Variants in ZZZ3 observed in about 807,000 individuals in gnomAD.
ZZZ3 encodes ZZ-type zinc finger-containing protein 3.
Under a neutral mutation model 95.2 loss-of-function variants are expected in ZZZ3, and 22 were observed. That is an observed-to-expected ratio of 0.23 (90% confidence interval 0.17 to 0.33). ZZZ3 has a LOEUF of 0.33. Among genes scored for constraint, ZZZ3 ranks in the 10% least tolerant of loss-of-function variants. ZZZ3 has a pLI of 1.00. For synonymous variants in ZZZ3, 335 were observed against 358.9 expected (o/e 0.93, Z 0.75); for missense variants, 885 against 1,066.5 (o/e 0.83, Z 2.37).
At chr1:77,624,288 C>T (rs1372865361) in intron 5 of ZZZ3, among the ~76,000 whole-genome samples, 1 of 152,054 alleles carries the variant, frequency 6.6e-6, no homozygotes, top group Non-Finnish European at 1.5e-5. Flanking sequence ...CTTAGAATTT[C>T]CTGGATGATA....
At chr1:77,603,286 C>G (rs1664918868) in intron 5 of ZZZ3, among the ~76,000 whole-genome samples, 1 of 152,114 alleles carries the variant, frequency 6.6e-6, no homozygotes. Flanking sequence ...ACCATGTTGC[C>G]CAGACTGGTC....
chr1:77,577,441 G>A (rs1263417698), intron 11 of ZZZ3, among the ~76,000 whole-genome samples: 6 of 152,138 alleles, frequency 3.9e-5, no homozygotes, highest in African/African-American at 1.4e-4. Context: ...ATCTACACAG[G>A]TTGTGCTATA....
intron 5 of ZZZ3, among the ~76,000 whole-genome samples, chr1:77,623,585 A>G (rs1316244643): frequency 1.3e-5 from 2 of 152,240 alleles, no homozygotes; most frequent in Non-Finnish European, 2.9e-5. Flanking sequence ...AACAAAGGTA[A>G]GCATAAGCCT....
chr1:77,659,607 C>T (rs1440203831), intron 1 of ZZZ3, among the ~76,000 whole-genome samples: 1 of 148,614 alleles, frequency 6.7e-6, no homozygotes, highest in Non-Finnish European at 1.5e-5. Context: ...CACTTGAATC[C>T]GGGAGGTGGA....
At position 77,582,114 on chromosome 1, in the gene ZZZ3, G is replaced by C; in HGVS notation, c.1657C>G (p.Leu553Val). The C allele has an allele frequency of 6.2e-7, 1 of 1,604,734 alleles. No individual in the cohort carries two copies. The highest frequency in any genetic ancestry group is 8.5e-7 in the Non-Finnish European group (1 of 1,176,814). ...EKLQKKADIG[L>V]PYPQRVVQLP... ...TGAACAACTCTCTGTGGATATGGAAGCCCAATATCAGCCTGGAGGCAGGGG... is the reference window on the plus strand; with the variant it reads ...TGAACAACTCTCTGTGGATATGGAACCCCAATATCAGCCTGGAGGCAGGGG... Residue 553 changes from leucine (L) to valine (V), a missense_variant, in exon 7 of 15, where the codon CTT becomes GTT. By Grantham distance (32) the Leu-to-Val change is conservative (BLOSUM62 1). This residue lies in a region of ZZZ3 where 556 missense variants were observed against 652.9 expected (regional missense o/e 0.85). Transcript: ENST00000370801.
Position 77,632,197 on chromosome 1 carries a change from G to A in ZZZ3, c.1158C>T (p.Ala386=). The part of the protein sequence containing the change: ...YTLRTSPRRA[A]PTRGSPTKNS... Reference sequence around the variant, plus strand: ...TTTTAGTGGGACTACCTCTGGTAGGGGCTGCCCTTCGTGGTGAGGTTCTCA... The same window carrying A: ...TTTTAGTGGGACTACCTCTGGTAGGAGCTGCCCTTCGTGGTGAGGTTCTCA... The change falls in exon 5 of 15, where the codon GCC becomes GCT. Residue 386 remains alanine, a synonymous_variant. Coordinates refer to ENST00000370801, the MANE Select transcript of ZZZ3 (RefSeq NM_015534.6). 1 of 1,613,990 alleles carries A rather than the reference G, an allele frequency of 6.2e-7. No individual in the cohort carries two copies. The highest frequency in any genetic ancestry group is 2.2e-5 in the East Asian group (1 of 44,876).
At chr1:77,618,233 C>CTTTT (rs10597366) in intron 5 of ZZZ3, among the ~76,000 whole-genome samples, 8 of 81,040 alleles carry the variant, frequency 9.9e-5, no homozygotes, top group East Asian at 4.7e-4. Flanking sequence ...CCAATGCAGC[C>CTTTT]TTTTTTTTTT....
rs1670160129 is a variant in ZZZ3 at position 77,655,188 on chromosome 1, C to T, written c.-402-13533G>A. Among the ~76,000 whole-genome samples the T allele has an allele frequency of 2.0e-5, 3 of 152,264 alleles. No individual in the cohort carries two copies. In the South Asian group the frequency reaches 6.2e-4, roughly 32 times the overall value. ...CCATTAACCAATTAACCCATTAATC[C>T]ATTCATGAGGGCAGAGACTTCATGA... On this transcript the variant is annotated intron_variant, in intron 1 of 14. Coordinates refer to ENST00000370801, the MANE Select transcript of ZZZ3 (RefSeq NM_015534.6).
chr1:77,616,033 A>C lies in ZZZ3; in HGVS notation c.1505+15817T>G, dbSNP rs1415965208. 2.6e-5 allele frequency among the ~76,000 whole-genome samples: 4 copies of C among 152,170 alleles called. No individual in the cohort carries two copies. In the East Asian group the frequency reaches 7.7e-4, roughly 29 times the overall value. On this transcript the variant is annotated intron_variant, in intron 5 of 14. Coordinates refer to ENST00000370801, the MANE Select transcript of ZZZ3 (RefSeq NM_015534.6). ...AACACACTGTGTATAATGTTTATAC[A>C]CATTATACACTGAGTTATTTTTATC...
intron 1 of ZZZ3, among the ~76,000 whole-genome samples, chr1:77,651,297 A>T (rs1485739666): frequency 6.6e-6 from 1 of 152,152 alleles, no homozygotes. Context: ...AGGTGGGAGG[A>T]TCACTTGAGC....
chr1:77,672,389 C>G (rs1027536110), intron 1 of ZZZ3, among the ~76,000 whole-genome samples: 3 of 152,184 alleles, frequency 2.0e-5, no homozygotes, highest in African/African-American at 7.2e-5. Flanking sequence ...AAGTGATGCT[C>G]TGCTGCTATG....
At chr1:77,591,557 T>C (rs1181033766) in intron 5 of ZZZ3, among the ~76,000 whole-genome samples, 2 of 152,160 alleles carry the variant, frequency 1.3e-5, no homozygotes, top group Non-Finnish European at 2.9e-5. Context: ...TGGCTCAGGT[T>C]GGTCTTGAAC....
chr1:77,612,590 G>A (rs867255534), intron 5 of ZZZ3, among the ~76,000 whole-genome samples: 12 of 151,990 alleles, frequency 7.9e-5, no homozygotes, highest in Middle Eastern at 3.2e-3. Context: ...TATACACAAT[G>A]AAATACTATT....
At chr1:77,674,218 T>G (rs1420937583) in intron 1 of ZZZ3, among the ~76,000 whole-genome samples, 1 of 152,174 alleles carries the variant, frequency 6.6e-6, no homozygotes, top group Admixed American at 6.6e-5. Flanking sequence ...GAGAAAAATG[T>G]CTAAGTGTTG....
intron 1 of ZZZ3, among the ~76,000 whole-genome samples, chr1:77,676,642 G>A (rs1672292659): frequency 6.6e-6 from 1 of 152,030 alleles, no homozygotes; most frequent in African/African-American, 2.4e-5. Flanking sequence ...TCAACTTACA[G>A]TAATCTTAAA....
At chr1:77,671,927 T>A (rs1671822391) in intron 1 of ZZZ3, among the ~76,000 whole-genome samples, 1 of 152,130 alleles carries the variant, frequency 6.6e-6, no homozygotes, top group Non-Finnish European at 1.5e-5. Flanking sequence ...ATCTGATAAC[T>A]GAGATGGCTA....
At chr1:77,624,272 G>C (rs1423413947) in intron 5 of ZZZ3, among the ~76,000 whole-genome samples, 1 of 152,082 alleles carries the variant, frequency 6.6e-6, no homozygotes, top group Non-Finnish European at 1.5e-5. Context: ...CAGAGTTCCT[G>C]AATCCCTTAG....
chr1:77,661,984 T>TC (rs1670833978), intron 1 of ZZZ3, among the ~76,000 whole-genome samples: 2 of 151,362 alleles, frequency 1.3e-5, no homozygotes, highest in Non-Finnish European at 2.9e-5. Context: ...GCCTGGCTTT[T>TC]TTTTTTTTTT....
intron 5 of ZZZ3, among the ~76,000 whole-genome samples, chr1:77,624,150 A>C (rs112514037): frequency 0.026 from 4,015 of 152,286 alleles, 57 homozygotes; most frequent in Middle Eastern, 0.078. Flanking sequence ...AAACTCTTGT[A>C]AATAGGGATG....
Sources: gnomAD v4.1 joint callset for allele counts (sites outside exome capture counted in the v4.1 genomes callset) on GRCh38, gnomAD v4.1.1 for gene constraint, gnomAD v4.1.1 regional missense constraint, MANE v1.5 for transcripts, NCBI Gene and HGNC (gene_info 2026-07-23, HGNC 2026-07-21) for gene names.